Variants in CLPP observed in about 807,000 individuals in gnomAD.
The protein encoded by CLPP is ATP-dependent Clp protease proteolytic subunit, mitochondrial.
A neutral mutation model predicts 27.4 loss-of-function variants in CLPP; 14 were observed. The observed-to-expected ratio is 0.51, with a 90% CI of 0.34 to 0.80. CLPP has a LOEUF of 0.80. Among genes scored for constraint, CLPP ranks in the 30% least tolerant of loss-of-function variants. The pLI is 0.02. For missense variants in CLPP, 361 were observed against 403.6 expected, an observed-to-expected ratio of 0.89 and a Z score of 0.90; for synonymous variants, 193 against 166.6, an observed-to-expected ratio of 1.16 and a Z score of -1.22.
intron 5 of CLPP, among the ~76,000 whole-genome samples, chr19:6,366,922 C>T (rs1568323122): frequency 1.3e-5 from 2 of 151,810 alleles, no homozygotes; most frequent in Non-Finnish European, 2.9e-5. Flanking sequence ...TGAGCCACCA[C>T]GCCCAGCCAT....
intron 1 of CLPP, 33 bp from the exon 2 acceptor site, chr19:6,361,836 C>CG (rs2091835536): frequency 6.3e-7 from 1 of 1,593,100 alleles, no homozygotes; most frequent in Non-Finnish European, 8.5e-7. Flanking sequence ...GGCTGGCTGC[C>CG]CCGGCCCCTC....
chr19:6,367,285 G>A (rs2091867346), intron 5 of CLPP, among the ~76,000 whole-genome samples: 1 of 148,786 alleles, frequency 6.7e-6, no homozygotes, highest in Non-Finnish European at 1.5e-5. Context: ...TGAGGCATGA[G>A]AATCGCTTGA....
chr19:6,364,966 C>T (rs982678034), intron 4 of CLPP: 15 of 230,110 alleles, frequency 6.5e-5, no homozygotes, highest in Middle Eastern at 1.5e-3. Context: ...CCTCGTGATC[C>T]GCCCACATTG....
At chr19:6,368,408 C>T (rs991702521) in intron 5 of CLPP, 130 bp from the exon 6 acceptor site, 2 of 874,902 alleles carry the variant, frequency 2.3e-6, no homozygotes, top group African/African-American at 1.7e-5. Flanking sequence ...TCCCATCCCA[C>T]TAGGGGATGG....
At position 6,369,752 on chromosome 19, in the gene CLPP, G is replaced by A. The variant is rs936791890; in HGVS notation, c.*1042G>A. Among the ~76,000 whole-genome samples the A allele has an allele frequency of 1.3e-5, 2 of 151,766 alleles. No homozygotes were observed. The highest frequency in any genetic ancestry group is 6.6e-5 in the Admixed American group (1 of 15,210). On this transcript the variant is annotated 3_prime_UTR_variant, in exon 6 of 6. Transcript: ENST00000245816. ...AGAGGTTGCAGTGAGCCAAGATCAC[G>A]CCACTGCACTCCAGCCTGGGCAACA...
chr19:6,364,188 G>A (rs746363409), intron 3 of CLPP, among the ~76,000 whole-genome samples: 2 of 151,690 alleles, frequency 1.3e-5, no homozygotes, highest in African/African-American at 2.4e-5. Context: ...CCGCCACCAC[G>A]CCCGGCTAAT....
rs1055208997 is a variant in CLPP, at chr19:6,369,782, G to A, written c.*1072G>A. On this transcript the variant is annotated 3_prime_UTR_variant, in exon 6 of 6. Coordinates refer to ENST00000245816, the MANE Select transcript of CLPP (RefSeq NM_006012.4). ...TGCACTCCAGCCTGGGCAACAAAGC[G>A]AGATTCTGTCTCCAAAAAAAAAAAA... Among the ~76,000 whole-genome samples, 1 of 151,444 alleles carries A rather than the reference G, an allele frequency of 6.6e-6. No homozygotes were observed. Among genetic ancestry groups the A allele is most frequent in the East Asian group, 1.9e-4 (1 of 5,176 alleles).
In CLPP at chr19:6,369,543, G is replaced by A. The variant is rs1475195234; in HGVS notation, c.*833G>A. ...GGTGGTTGAGCAAAGCCTCAAAGGAGGTGAGGGGTGGAGCCTGTGTCCAGG... is the reference window on the plus strand; with the variant it reads ...GGTGGTTGAGCAAAGCCTCAAAGGAAGTGAGGGGTGGAGCCTGTGTCCAGG... On this transcript the variant is annotated 3_prime_UTR_variant, in exon 6 of 6. Coordinates refer to ENST00000245816, the MANE Select transcript of CLPP (RefSeq NM_006012.4). Among the ~76,000 whole-genome samples, 3 of 151,282 alleles carry A rather than the reference G, an allele frequency of 2.0e-5. No individual in the cohort carries two copies. Among genetic ancestry groups the A allele is most frequent in the Non-Finnish European group, 2.9e-5 (2 of 68,036 alleles).
intron 2 of CLPP, 195 bp downstream of exon 2, chr19:6,362,135 C>T (rs956431308): frequency 1.3e-4 from 78 of 609,018 alleles, no homozygotes; most frequent in Non-Finnish European, 2.1e-4. Context: ...CTCCTCGGCT[C>T]TTAATCTCCG....
intron 3 of CLPP, among the ~76,000 whole-genome samples, chr19:6,362,991 G>A (rs2091843747): frequency 1.3e-5 from 2 of 152,272 alleles, no homozygotes; most frequent in Admixed American, 1.3e-4. Context: ...TCGGAAGGCT[G>A]AGGGAGAAGG....
In CLPP at chr19:6,369,013, C is replaced by T; in HGVS notation, c.*303C>T. On this transcript the variant is annotated 3_prime_UTR_variant, in exon 6 of 6. Transcript: ENST00000245816. ...ACCCCAAGAGGCAAGCCATGTCTTC[C>T]TTCAACAGATTCTCCTGATCATATC... 1 of 365,630 alleles carries T rather than the reference C, an allele frequency of 2.7e-6. No individual in the cohort carries two copies. Among genetic ancestry groups the T allele is most frequent in the Non-Finnish European group, 5.0e-6 (1 of 200,822 alleles). 22.6% of individuals were successfully genotyped at this position (365,630 alleles called of 1,614,324 possible). A position where few individuals can be genotyped will look rare whatever the true frequency, so the allele number is the denominator to read the frequency against.
chr19:6,368,525 G>A lies in CLPP; in HGVS notation c.662-13G>A. On this transcript the variant is annotated splice_polypyrimidine_tract_variant and intron_variant, in intron 5 of 5. Transcript: ENST00000245816. ...CTTACCCTAATGTGTCTCACCTCCT[G>A]CTTCCCCACCAGAGTCCGCCATGGA... 6.2e-7 allele frequency: 1 copy of A among 1,613,988 alleles called. No homozygotes were observed. The highest frequency in any genetic ancestry group is 8.5e-7 in the Non-Finnish European group (1 of 1,179,982).
Position 6,361,711 on chromosome 19 carries a change from G to A in CLPP, c.137G>A (p.Arg46Gln). 6.6e-7 allele frequency: 1 copy of A among 1,504,462 alleles called. No homozygotes were observed. The highest frequency in any genetic ancestry group is 8.9e-7 in the Non-Finnish European group (1 of 1,129,726). The allele number at this position is 1,504,462 out of a possible 1,614,324, so 93.2% of individuals were successfully genotyped here. ...CTCCAGAACGGCCTGGCCCTGCAGC[G>A]GTGCCTGCACGCGACGGCGACCCGG... Reference protein sequence around the residue: ...RTLQNGLALQRCLHATATRAL... With the variant: ...RTLQNGLALQQCLHATATRAL... Residue 46 changes from arginine (R) to glutamine (Q), a missense_variant, in exon 1 of 6, where the codon CGG becomes CAG. Transcript: ENST00000245816.
chr19:6,367,374 C>CAA (rs761550793), intron 5 of CLPP, among the ~76,000 whole-genome samples: 63 of 60,558 alleles, frequency 1.0e-3, no homozygotes, highest in South Asian at 2.4e-3. Flanking sequence ...GACCCTGTCT[C>CAA]AAAAAAAAAA....
At chr19:6,363,088 AAGT>A (rs765235543) in intron 3 of CLPP, among the ~76,000 whole-genome samples, 7 of 152,030 alleles carry the variant, frequency 4.6e-5, no homozygotes, top group Non-Finnish European at 1.0e-4. Flanking sequence ...TCCCCAAAAA[AAGT>A]AGTCAATTTT....
At chr19:6,368,247 C>G (rs2091872017) in intron 5 of CLPP, among the ~76,000 whole-genome samples, 2 of 152,052 alleles carry the variant, frequency 1.3e-5, no homozygotes, top group South Asian at 4.1e-4. Flanking sequence ...TGCTCTCTTC[C>G]TGGCTTGCAG....
Position 6,370,075 on chromosome 19 carries a change from C to T in CLPP, c.*1365C>T, listed in dbSNP as rs1314735827. ...GTTTCCAGAAACTCCGAGCTGATGG[C>T]CCAAAGCAGGAAGATGGAGACCTGT... On this transcript the variant is annotated 3_prime_UTR_variant, in exon 6 of 6. Transcript: ENST00000245816. Among the ~76,000 whole-genome samples, 1 of 152,072 alleles carries T rather than the reference C, an allele frequency of 6.6e-6. No individual in the cohort carries two copies. The highest frequency in any genetic ancestry group is 1.5e-5 in the Non-Finnish European group (1 of 68,016).
rs1274246879 is a variant in CLPP, at chr19:6,370,144, G to A, written c.*1434G>A. ...TAGGCAAAGGAACAGGCTTGGGGAGGGATCAGGAGTTGATTTTGGATATAT... is the reference window on the plus strand; with the variant it reads ...TAGGCAAAGGAACAGGCTTGGGGAGAGATCAGGAGTTGATTTTGGATATAT... On this transcript the variant is annotated 3_prime_UTR_variant, in exon 6 of 6. Coordinates refer to ENST00000245816, the MANE Select transcript of CLPP (RefSeq NM_006012.4). Among the ~76,000 whole-genome samples the A allele has an allele frequency of 6.6e-6, 1 of 152,172 alleles. No individual in the cohort carries two copies. Among genetic ancestry groups the A allele is most frequent in the Non-Finnish European group, 1.5e-5 (1 of 68,040 alleles).
chr19:6,362,277 G>A, intron 2 of CLPP, 169 bp from the exon 3 acceptor site: 1 of 608,926 alleles, frequency 1.6e-6, no homozygotes, highest in East Asian at 2.8e-5. Flanking sequence ...AACCCCCTGG[G>A]TCCTCTCCAC....
Sources: gnomAD v4.1 joint callset for allele counts (sites outside exome capture counted in the v4.1 genomes callset) on GRCh38, gnomAD v4.1.1 for gene constraint, MANE v1.5 for transcripts, NCBI Gene and HGNC (gene_info 2026-07-23, HGNC 2026-07-21) for gene names.